The following RGS7 variants were observed in gnomAD, a reference collection of about 807,000 sequenced individuals.
The protein encoded by RGS7 is regulator of G protein signaling 7.
A neutral mutation model predicts 81.1 loss-of-function variants in RGS7; 27 were observed. That is an observed-to-expected ratio of 0.33 (90% CI 0.25 to 0.46). RGS7 has a LOEUF of 0.46. Ranked by LOEUF, RGS7 falls within the 20% of genes least tolerant of loss-of-function variation. The probability of loss-of-function intolerance (pLI) is 1.00; values close to 1 mark genes in which losing one functional copy is unlikely to be tolerated. For missense variants in RGS7, 396 were observed against 607.4 expected, an observed-to-expected ratio of 0.65 and a Z score of 3.66; for synonymous variants, 208 against 207.7, an observed-to-expected ratio of 1.00 and a Z score of -0.01.
At chr1:240,791,207 G>C (rs1685947256) in intron 18 of RGS7, among the ~76,000 whole-genome samples, 1 of 152,138 alleles carries the variant, frequency 6.6e-6, no homozygotes, top group South Asian at 2.1e-4. Context: ...GCTTCTGCTG[G>C]TTGAAATTAC....
intron 3 of RGS7, among the ~76,000 whole-genome samples, chr1:240,990,113 C>T (rs1686244964): frequency 6.6e-6 from 1 of 152,140 alleles, no homozygotes; most frequent in Admixed American, 6.5e-5. Flanking sequence ...GGGAGGTGCC[C>T]ATTCCTGTAT....
At chr1:240,873,452 T>C (rs773179212) in intron 6 of RGS7, among the ~76,000 whole-genome samples, 5 of 152,136 alleles carry the variant, frequency 3.3e-5, no homozygotes, top group Non-Finnish European at 7.3e-5. Context: ...TGCCACTAAG[T>C]GGGAGAAAGT....
intron 2 of RGS7, among the ~76,000 whole-genome samples, chr1:241,124,231 GA>G (rs55927322): frequency 1.1e-3 from 154 of 135,904 alleles, no homozygotes; most frequent in Admixed American, 8.9e-4. Context: ...CTCGTCTCTA[GA>G]AAAAAAAAAA....
At chr1:241,243,274 C>A (rs971291064) in intron 2 of RGS7, among the ~76,000 whole-genome samples, 4 of 152,190 alleles carry the variant, frequency 2.6e-5, no homozygotes, top group Non-Finnish European at 4.4e-5. Context: ...ATGAAGAATT[C>A]TTTCTTCATC....
chr1:241,270,319 AC>A (rs1202120122), intron 2 of RGS7, among the ~76,000 whole-genome samples: 2 of 152,146 alleles, frequency 1.3e-5, no homozygotes, highest in Admixed American at 1.3e-4. Context: ...CCTTGGTCTG[AC>A]TAACACTATA....
chr1:241,347,320 A>G lies in RGS7; in HGVS notation c.78+8379T>C, dbSNP rs184444908. Among the ~76,000 whole-genome samples, 4 of 152,292 alleles carry G rather than the reference A, an allele frequency of 2.6e-5. No homozygotes were observed. In the East Asian group the frequency reaches 7.7e-4, roughly 29 times the overall value. ...AGTTGAGACACTTGCCCAAGCTTGCATAGCTACTCAGGGGTGGGGTGAGAA... is the reference window on the plus strand; with the variant it reads ...AGTTGAGACACTTGCCCAAGCTTGCGTAGCTACTCAGGGGTGGGGTGAGAA... On this transcript the variant is annotated intron_variant, in intron 2 of 18. Coordinates refer to ENST00000440928, the MANE Select transcript of RGS7 (RefSeq NM_001364886.1).
intron 6 of RGS7, among the ~76,000 whole-genome samples, chr1:240,927,758 G>T (rs987641897): frequency 6.6e-6 from 1 of 152,094 alleles, no homozygotes; most frequent in Non-Finnish European, 1.5e-5. Flanking sequence ...ATTCAGGCAA[G>T]CTAAGCACAA....
intron 2 of RGS7, among the ~76,000 whole-genome samples, chr1:241,273,174 A>ACCCC (rs1414962938): frequency 3.5e-4 from 13 of 37,584 alleles, no homozygotes; most frequent in Non-Finnish European, 5.4e-4. Context: ...AATAATAATG[A>ACCCC]ACCCCCCCCC....
chr1:241,270,908 A>ACCTG (rs1366943501), intron 2 of RGS7, among the ~76,000 whole-genome samples: 2 of 3,496 alleles, frequency 5.7e-4, no homozygotes, highest in East Asian at 0.019. Context: ...ACAGGAGCCC[A>ACCTG]CCACCACGCC....
At chr1:240,906,515 A>C (rs1670844162) in intron 6 of RGS7, among the ~76,000 whole-genome samples, 1 of 152,234 alleles carries the variant, frequency 6.6e-6, no homozygotes, top group African/African-American at 2.4e-5. Flanking sequence ...CTAGAAAAAC[A>C]TGCCTAAAAC....
At chr1:240,794,810 T>A (rs1361873109) in intron 18 of RGS7, among the ~76,000 whole-genome samples, 1 of 129,700 alleles carries the variant, frequency 7.7e-6, no homozygotes, top group Non-Finnish European at 1.8e-5. Context: ...CAGAGGGGAG[T>A]TCCCAGATTA....
In RGS7 at chr1:241,216,857, G is replaced by A. The variant is rs573950518; in HGVS notation, c.79-118095C>T. Among the ~76,000 whole-genome samples the A allele has an allele frequency of 3.9e-5, 6 of 152,316 alleles. No individual in the cohort carries two copies. The South Asian group carries it at 8.3e-4, about 21-fold the overall frequency. ...TCTTGAAGACAGCCTGCCTAAGAAT[G>A]AAAATCAATGCTGAGAAATATAGGA... On this transcript the variant is annotated intron_variant, in intron 2 of 18. Transcript: ENST00000440928.
chr1:241,212,493 G>T (rs1173064584), intron 2 of RGS7, among the ~76,000 whole-genome samples: 4 of 152,104 alleles, frequency 2.6e-5, no homozygotes, highest in Admixed American at 2.6e-4. Context: ...CCAGTCCTGT[G>T]GTGTGAATAA....
chr1:240,883,895 G>A (rs943208949), intron 6 of RGS7, among the ~76,000 whole-genome samples: 1 of 151,950 alleles, frequency 6.6e-6, no homozygotes, highest in Admixed American at 6.6e-5. Flanking sequence ...GGCCAACATG[G>A]TGAAACCCCG....
chr1:241,061,277 C>G (rs918559791), intron 3 of RGS7, among the ~76,000 whole-genome samples: 1 of 152,148 alleles, frequency 6.6e-6, no homozygotes, highest in Non-Finnish European at 1.5e-5. Flanking sequence ...AATAAACATG[C>G]GTTTGAGTCA....
At chr1:241,350,230 T>G (rs1048492109) in intron 2 of RGS7, among the ~76,000 whole-genome samples, 3 of 152,200 alleles carry the variant, frequency 2.0e-5, no homozygotes, top group Non-Finnish European at 2.9e-5. Flanking sequence ...AGAAATATCA[T>G]CATGGAAATA....
chr1:241,087,774 G>C (rs2502419), intron 3 of RGS7, among the ~76,000 whole-genome samples: 36,707 of 151,600 alleles, frequency 0.24, 5,994 homozygotes, highest in African/African-American at 0.46. Context: ...CATGGCAAAA[G>C]CCCGTCTCTA....
intron 2 of RGS7, among the ~76,000 whole-genome samples, chr1:241,245,175 C>G (rs2076459281): frequency 6.6e-6 from 1 of 151,946 alleles, no homozygotes; most frequent in Non-Finnish European, 1.5e-5. Context: ...ATTTGTGTCC[C>G]CACCCAAATC....
intron 3 of RGS7, among the ~76,000 whole-genome samples, chr1:241,063,812 T>G (rs2061878631): frequency 6.6e-6 from 1 of 152,198 alleles, no homozygotes; most frequent in African/African-American, 2.4e-5. Flanking sequence ...CATTTGTTTT[T>G]GCAATCCAAG....
Sources: allele counts gnomAD v4.1 joint callset (sites outside exome capture counted in the v4.1 genomes callset), GRCh38; gene constraint gnomAD v4.1.1; transcripts MANE v1.5; gene names NCBI Gene and HGNC (gene_info 2026-07-23, HGNC 2026-07-21).